The following FRMD8 variants were observed in gnomAD, a reference collection of about 807,000 sequenced individuals.
FRMD8 encodes the protein FERM domain-containing protein 8.
In FRMD8, 37 loss-of-function variants were observed where a neutral mutation model predicts 54.2. The ratio of observed to expected loss-of-function variants is 0.68; its 90% CI spans 0.53 to 0.90. FRMD8 has a LOEUF of 0.90. Among genes scored for constraint, FRMD8 ranks in the 40% least tolerant of loss-of-function variants. The probability of loss-of-function intolerance (pLI) is 0.00; values close to 1 mark genes in which losing one functional copy is unlikely to be tolerated. For synonymous variants in FRMD8, 246 were observed against 286.9 expected, an observed-to-expected ratio of 0.86 and a Z score of 1.44; for missense variants, 585 against 653.7, an observed-to-expected ratio of 0.89 and a Z score of 1.15.
upstream of FRMD8, chr11:65,382,015 C>T: frequency 2.2e-6 from 3 of 1,368,036 alleles, no homozygotes; most frequent in Non-Finnish European, 3.1e-6. This position sits in a 1 kb window ranked among gnomAD's most constrained non-coding sequence, Gnocchi z 4.4. Context: ...CCCCCTCTCC[C>T]TCCCCTGGCC....
the FRMD8 span, chr11:65,368,073 T>G: frequency 8.1e-6 from 1 of 123,524 alleles, no homozygotes; most frequent in South Asian, 2.7e-4. Context: ...TTTGGTGTTT[T>G]TTTTTTTTGT....
the FRMD8 span, among the ~76,000 whole-genome samples, chr11:65,372,579 A>G: frequency 2.0e-5 from 3 of 152,174 alleles, no homozygotes; most frequent in Non-Finnish European, 4.4e-5. Flanking sequence ...CAAAAAAAAT[A>G]GATTTTTTTC....
chr11:65,381,883 G>A (rs1198441328), upstream of FRMD8: 5 of 1,613,722 alleles, frequency 3.1e-6, no homozygotes, highest in Non-Finnish European at 4.2e-6. Flanking sequence ...ACCATTGGGT[G>A]TGATGTGACA....
chr11:65,411,291 C>T lies in FRMD8; in HGVS notation c.1326C>T (p.Ser442=), dbSNP rs1413156608. Residue 442 remains serine (S), a synonymous_variant, in exon 11 of 11, where the codon AGC becomes AGT. Coordinates refer to ENST00000317568, the MANE Select transcript of FRMD8 (RefSeq NM_031904.5). The part of the protein sequence containing the change: ...VKPKRTTSFF[S]RQLSLGQGSY... ...CGAAGCGCACCACATCCTTCTTCAG[C>T]CGGCAGCTGTCCTTGGGCCAGGGGA... 1.9e-6 allele frequency: 3 copies of T among 1,609,586 alleles called. No homozygotes were observed. The highest frequency in any genetic ancestry group is 1.3e-5 in the African/African-American group (1 of 74,810).
At position 65,394,112 on chromosome 11, in the gene FRMD8, C is replaced by A; in HGVS notation, c.414+13C>A. On this transcript the variant is annotated intron_variant, in intron 5 of 10. Transcript: ENST00000317568. ...GCGGGAGCTCCAGGTGAGGCAGGAG[C>A]CCTGGTGGCCCCACCAGGCCTGGCC... The A allele has an allele frequency of 1.9e-6, 3 of 1,613,086 alleles. No homozygotes were observed. Among genetic ancestry groups the A allele is most frequent in the Non-Finnish European group, 1.7e-6 (2 of 1,179,298 alleles).
In FRMD8 at chr11:65,398,020, T is replaced by C. The variant is rs544860525; in HGVS notation, c.803+1000T>C. 2.2e-4 allele frequency among the ~76,000 whole-genome samples: 33 copies of C among 151,804 alleles called. 1 individual carries two copies. Among genetic ancestry groups the C allele is most frequent in the African/African-American group, 7.2e-4 (30 of 41,380 alleles). ...CCTCCCAAGTAGCTGGGACTACAGG[T>C]CTGCACCACTATGCACGGCTAATTT... On this transcript the variant is annotated intron_variant, in intron 7 of 10. Transcript: ENST00000317568.
chr11:65,396,832 C>T lies in FRMD8; in HGVS notation c.615C>T (p.Leu205=). The part of the protein sequence containing the change: ...EKLDSFLPAH[L]CKRGQSLFAA... ...TGGACTCCTTCCTCCCTGCCCACCTCTGTAAGCGGGGCCAGAGTCTCTTTG... is the reference window on the plus strand; with the variant it reads ...TGGACTCCTTCCTCCCTGCCCACCTTTGTAAGCGGGGCCAGAGTCTCTTTG... Residue 205 remains leucine (L), a synonymous_variant, in exon 7 of 11, where the codon CTC becomes CTT. Transcript: ENST00000317568. 1 of 1,561,370 alleles carries T rather than the reference C, an allele frequency of 6.4e-7. No individual in the cohort carries two copies. Among genetic ancestry groups the T allele is most frequent in the Non-Finnish European group, 8.7e-7 (1 of 1,153,794 alleles).
At chr11:65,385,797 TA>T (rs1460844094), upstream of FRMD8, among the ~76,000 whole-genome samples, 2 of 150,642 alleles carry the variant, frequency 1.3e-5, no homozygotes, top group African/African-American at 4.9e-5. Flanking sequence ...CATATATATA[TA>T]AATTTTTTTT....
upstream of FRMD8, chr11:65,382,396 G>T: frequency 4.8e-6 from 1 of 207,554 alleles, no homozygotes; most frequent in Admixed American, 5.2e-5. The surrounding 1 kb of genome is among the most constrained non-coding windows in gnomAD (Gnocchi z 4.4). Flanking sequence ...GGCCGGGTGC[G>T]GAGGTAGCGT....
intron 2 of FRMD8, 46 bp from the exon 3 acceptor site, chr11:65,389,315 G>A (rs760286625): frequency 5.0e-6 from 8 of 1,590,022 alleles, no homozygotes; most frequent in East Asian, 2.2e-5. Flanking sequence ...TGGCCTGGCT[G>A]TGCCAGGCAG....
At position 65,396,912 on chromosome 11, in the gene FRMD8, A is replaced by C. The variant is rs1292490148; in HGVS notation, c.695A>C (p.Asn232Thr). The C allele has an allele frequency of 6.4e-7, 1 of 1,554,258 alleles. No homozygotes were observed. Among genetic ancestry groups the C allele is most frequent in the East Asian group, 2.4e-5 (1 of 40,974 alleles). ...RAGPGEQGLL[N>T]AYRQVQEVSS... ...GGGCCGGGCGAGCAGGGCCTGCTGA[A>C]CGCCTACCGCCAGGTGCAGGAGGTC... Residue 232 changes from asparagine to threonine, a missense_variant, in exon 7 of 11, where the codon AAC (asparagine) becomes ACC (threonine). By Grantham distance (65) the Asn-to-Thr change is moderately conservative. Coordinates refer to ENST00000317568, the MANE Select transcript of FRMD8 (RefSeq NM_031904.5).
intron 5 of FRMD8, 25 bp from the exon 6 acceptor site, chr11:65,394,234 C>G: frequency 6.3e-7 from 1 of 1,594,746 alleles, no homozygotes; most frequent in Non-Finnish European, 8.5e-7. Flanking sequence ...AGCTGAGCGG[C>G]TGTCCCTGCC....
rs558391786 is a variant in FRMD8, at chr11:65,393,851, G to T, written c.355+177G>T. ...GGGGAGGAAGGGGTCCCTGAGTGAA[G>T]CCCCATTGGGGGATGGGCTGGGAGC... On this transcript the variant is annotated intron_variant, in intron 4 of 10. Transcript: ENST00000317568. 7.3e-5 allele frequency: 57 copies of T among 784,774 alleles called. No individual in the cohort carries two copies. In the African/African-American group the frequency reaches 9.7e-4, roughly 13 times the overall value. 48.6% of individuals were successfully genotyped at this position (784,774 alleles called of 1,614,324 possible).
At position 65,399,868 on chromosome 11, in the gene FRMD8, C is replaced by T. The variant is rs752976001; in HGVS notation, c.927+9C>T. 14 of 1,609,312 alleles carry T rather than the reference C, an allele frequency of 8.7e-6. No individual in the cohort carries two copies. The highest frequency in any genetic ancestry group is 1.3e-5 in the African/African-American group (1 of 74,984). On this transcript the variant is annotated intron_variant, in intron 8 of 10. Transcript: ENST00000317568. Reference sequence around the variant, plus strand: ...TCGATAGCAGAGAGAAGGTACTGCCCCCAGCTCCTCCAGGGTGGAGAGGAT... The same window carrying T: ...TCGATAGCAGAGAGAAGGTACTGCCTCCAGCTCCTCCAGGGTGGAGAGGAT...
At chr11:65,383,067 AG>A (rs1855649540), upstream of FRMD8, 4 of 152,610 alleles carry the variant, frequency 2.6e-5, no homozygotes, top group Admixed American at 2.6e-4. Context: ...CGGAAATGTC[AG>A]CCAGCAGCAT....
the FRMD8 span, among the ~76,000 whole-genome samples, chr11:65,368,548 A>AGTTTT: frequency 5.1e-3 from 767 of 150,326 alleles, 6 homozygotes; most frequent in Middle Eastern, 0.024. Context: ...TGCCAGCTAG[A>AGTTTT]GTTTTGTTTT....
chr11:65,403,797 C>T lies in FRMD8; in HGVS notation c.1072-1067C>T, dbSNP rs1270969545. Among the ~76,000 whole-genome samples, 3 of 152,210 alleles carry T rather than the reference C, an allele frequency of 2.0e-5. No homozygotes were observed. The East Asian group carries it at 5.8e-4, about 29-fold the overall frequency. ...TCAGCAGAGCTTCCTCTTTTGGCTGCATTTGAACGGCAGGCTTCCTGAGCC... is the reference window on the plus strand; with the variant it reads ...TCAGCAGAGCTTCCTCTTTTGGCTGTATTTGAACGGCAGGCTTCCTGAGCC... On this transcript the variant is annotated intron_variant, in intron 9 of 10. Transcript: ENST00000317568.
intron 4 of FRMD8, 92 bp from the exon 5 acceptor site, chr11:65,393,949 G>C (rs1344661403): frequency 2.2e-6 from 3 of 1,351,084 alleles, no homozygotes; most frequent in African/African-American, 2.9e-5. Flanking sequence ...GCCCTGGTGG[G>C]TGAGGTTGGT....
Position 65,393,646 on chromosome 11 carries a change from C to T in FRMD8, c.327C>T (p.Thr109=). Residue 109 remains threonine, a synonymous_variant, in exon 4 of 11, where the codon ACC becomes ACT. Coordinates refer to ENST00000317568, the MANE Select transcript of FRMD8 (RefSeq NM_031904.5). ...GGCCGGAGCTGCTGCTGCGCTTCAC[C>T]AGTGCCCCAGACGATGACGTGGCCA... is the stretch of plus-strand genomic sequence containing the variant. ...RQWPELLLRF[T]SAPDDDVAMD... is the part of the protein sequence containing the mutation. The T allele has an allele frequency of 6.2e-7, 1 of 1,607,782 alleles. No individual in the cohort carries two copies. Among genetic ancestry groups the T allele is most frequent in the Non-Finnish European group, 8.5e-7 (1 of 1,179,880 alleles).
Sources: gnomAD v4.1 joint callset for allele counts (sites outside exome capture counted in the v4.1 genomes callset) on GRCh38, gnomAD v4.1.1 for gene constraint, Gnocchi (gnomAD v3.1) non-coding constraint, MANE v1.5 for transcripts, NCBI Gene and HGNC (gene_info 2026-07-23, HGNC 2026-07-21) for gene names.